CLASP2: variants seen among roughly 807,000 people sequenced by gnomAD.
CLASP2 encodes the protein CLIP-associating protein 2.
CLASP2 carries 47 observed loss-of-function variants against 194.4 expected under a neutral mutation model. The observed-to-expected ratio is 0.24, with a 90% CI of 0.19 to 0.31. CLASP2 has a LOEUF of 0.31. CLASP2 is among the 10% of genes least tolerant of loss of function. CLASP2 has a pLI of 1.00. For synonymous variants in CLASP2, 619 were observed against 633.5 expected, an observed-to-expected ratio of 0.98 and a Z score of 0.34; for missense variants, 1,445 against 1,823.6, an observed-to-expected ratio of 0.79 and a Z score of 3.78.
intron 12 of CLASP2, among the ~76,000 whole-genome samples, chr3:33,618,498 A>G (rs958324794): frequency 7.9e-5 from 12 of 151,070 alleles, no homozygotes; most frequent in Admixed American, 2.6e-4. Context: ...ATACAAAAAA[A>G]TTAGCCAGGC....
At chr3:33,586,745 T>C (rs562117521) in intron 21 of CLASP2, among the ~76,000 whole-genome samples, 1 of 152,262 alleles carries the variant, frequency 6.6e-6, no homozygotes, top group Admixed American at 6.5e-5. Context: ...ACCTTTTCCC[T>C]TCGTGGGCAC....
chr3:33,506,677 A>G lies in CLASP2; in HGVS notation c.4317+3881T>C, dbSNP rs548855783. On this transcript the variant is annotated intron_variant, in intron 37 of 38. Transcript: ENST00000682230. ...TTAATTTCTGTATATGGTGTGAGGT[A>G]GGGGTTCAACTTCATTGTTTTTCAT... Among the ~76,000 whole-genome samples the G allele has an allele frequency of 2.0e-5, 3 of 152,226 alleles. No homozygotes were observed. In the East Asian group the frequency reaches 5.8e-4, roughly 29 times the overall value.
intron 5 of CLASP2, among the ~76,000 whole-genome samples, chr3:33,685,275 G>A (rs1162999445): frequency 7.0e-6 from 1 of 143,612 alleles, no homozygotes; most frequent in East Asian, 2.1e-4. Context: ...CAGGGAGGTG[G>A]AGGTTGCAGT....
chr3:33,579,283 A>G (rs903667289), intron 23 of CLASP2, among the ~76,000 whole-genome samples: 1 of 152,200 alleles, frequency 6.6e-6, no homozygotes, highest in African/African-American at 2.4e-5. Flanking sequence ...GTCAAATGGA[A>G]GCTTTGAGAT....
At chr3:33,672,749 G>T (rs938298091) in intron 6 of CLASP2, among the ~76,000 whole-genome samples, 1 of 152,202 alleles carries the variant, frequency 6.6e-6, no homozygotes, top group African/African-American at 2.4e-5. Context: ...GTGCTTAAAG[G>T]AGCTGATGGA....
intron 23 of CLASP2, among the ~76,000 whole-genome samples, chr3:33,579,046 G>C (rs961758120): frequency 3.9e-5 from 6 of 152,132 alleles, no homozygotes; most frequent in African/African-American, 1.4e-4. Context: ...GGAATAGCAA[G>C]AACAACTTAA....
At chr3:33,533,103 G>T (rs1164482052) in intron 34 of CLASP2, among the ~76,000 whole-genome samples, 1 of 152,118 alleles carries the variant, frequency 6.6e-6, no homozygotes, top group Non-Finnish European at 1.5e-5. Flanking sequence ...GACAGTTTGT[G>T]ACCCATGTGC....
At chr3:33,512,557 TAA>T (rs71070140) in intron 36 of CLASP2, among the ~76,000 whole-genome samples, 183 of 12,466 alleles carry the variant, frequency 0.015, 1 homozygote, top group African/African-American at 0.042. Flanking sequence ...TAGAGTATAA[TAA>T]AAAAAAAAAA....
chr3:33,664,402 GTTC>G (rs1284068005), intron 6 of CLASP2, among the ~76,000 whole-genome samples: 1 of 152,102 alleles, frequency 6.6e-6, no homozygotes, highest in African/African-American at 2.4e-5. Flanking sequence ...GTTGCCAAAT[GTTC>G]TTCTCTGACT....
intron 20 of CLASP2, among the ~76,000 whole-genome samples, chr3:33,593,900 G>C (rs2069502341): frequency 1.3e-5 from 2 of 152,142 alleles, no homozygotes; most frequent in Admixed American, 6.5e-5. Context: ...CTGGAGTGCG[G>C]TGGCATGATC....
intron 17 of CLASP2, among the ~76,000 whole-genome samples, chr3:33,603,632 A>AT (rs1462976751): frequency 1.3e-5 from 2 of 151,674 alleles, no homozygotes; most frequent in East Asian, 1.9e-4. Context: ...TATTTATTTT[A>AT]TTTTTTTTGA....
chr3:33,501,610 G>T, intron 38 of CLASP2, 42 bp downstream of exon 38: 1 of 1,228,972 alleles, frequency 8.1e-7, no homozygotes, highest in Non-Finnish European at 1.2e-6. Context: ...TTTGAAAGAT[G>T]TACTATGGCC....
intron 6 of CLASP2, 95 bp downstream of exon 6, chr3:33,684,264 A>G (rs2090302239): frequency 1.5e-6 from 1 of 655,506 alleles, no homozygotes; most frequent in Admixed American, 3.3e-5. Context: ...AAATAAATAA[A>G]TAAATAAAAA....
chr3:33,605,614 A>T (rs2073630563), intron 16 of CLASP2, among the ~76,000 whole-genome samples: 1 of 152,078 alleles, frequency 6.6e-6, no homozygotes, highest in African/African-American at 2.4e-5. Context: ...CCAAAAAGAA[A>T]GAAATTACAG....
At position 33,618,748 on chromosome 3, in the gene CLASP2, A is replaced by G. The variant is rs1413435585; in HGVS notation, c.1317+855T>C. 3.9e-5 allele frequency among the ~76,000 whole-genome samples: 6 copies of G among 152,242 alleles called. No homozygotes were observed. The East Asian group carries it at 1.2e-3, about 29-fold the overall frequency. On this transcript the variant is annotated intron_variant, in intron 12 of 38. Transcript: ENST00000682230. ...GTAGCAAATACATTTGTATAGGCAC[A>G]GAATAGAAGTTTGGAAAAGTACACA...
intron 26 of CLASP2, among the ~76,000 whole-genome samples, chr3:33,569,160 G>A (rs2063310388): frequency 6.6e-6 from 1 of 152,144 alleles, no homozygotes; most frequent in Non-Finnish European, 1.5e-5. Flanking sequence ...AATAGTAGCT[G>A]GTTCTCCACC....
Position 33,535,407 on chromosome 3 carries a change from A to G in CLASP2, c.3613T>C (p.Ser1205Pro), listed in dbSNP as rs200647324. ...TTATTATCAAGAGCTGTTTGACTTGAGTCAGTAGCATCACCTCCTGCTCTT... is the reference window on the plus strand; with the variant it reads ...TTATTATCAAGAGCTGTTTGACTTGGGTCAGTAGCATCACCTCCTGCTCTT... Reference protein sequence around the residue: ...DPRAGGDATDSSQTALDNKAS... With the variant: ...DPRAGGDATDPSQTALDNKAS... The change falls in exon 34 of 39, where the codon TCA becomes CCA. Residue 1205 changes from serine (S) to proline (P), a missense_variant. Coordinates refer to ENST00000682230, the MANE Select transcript of CLASP2 (RefSeq NM_001365631.1). 1 of 1,613,998 alleles carries G rather than the reference A, an allele frequency of 6.2e-7. No individual in the cohort carries two copies. The highest frequency in any genetic ancestry group is 8.5e-7 in the Non-Finnish European group (1 of 1,179,882).
chr3:33,650,183 T>G (rs2082947066), intron 7 of CLASP2, among the ~76,000 whole-genome samples: 1 of 152,180 alleles, frequency 6.6e-6, no homozygotes, highest in Admixed American at 6.5e-5. Context: ...CCAAATGCAA[T>G]TTCTACAAAT....
intron 8 of CLASP2, 99 bp from the exon 9 acceptor site, chr3:33,632,470 G>C: frequency 2.4e-6 from 2 of 826,640 alleles, no homozygotes; most frequent in African/African-American, 1.8e-5. Context: ...ATCAACAAAA[G>C]TATAATTTTA....
Sources: gnomAD v4.1 joint callset for allele counts (sites outside exome capture counted in the v4.1 genomes callset) on GRCh38, gnomAD v4.1.1 for gene constraint, MANE v1.5 for transcripts, NCBI Gene and HGNC (gene_info 2026-07-23, HGNC 2026-07-21) for gene names.